KCNIP4: variants seen among roughly 807,000 people sequenced by gnomAD.
KCNIP4 encodes potassium voltage-gated channel interacting protein 4, also known as Kv channel-interacting protein 4.
KCNIP4 carries 12 observed loss-of-function variants against 34.0 expected under a neutral mutation model. The ratio of observed to expected loss-of-function variants is 0.35; its 90% CI spans 0.23 to 0.57. The LOEUF is 0.57. Among genes scored for constraint, KCNIP4 ranks in the 20% least tolerant of loss-of-function variants. The probability of loss-of-function intolerance (pLI) is 0.83; values close to 1 mark genes in which losing one functional copy is unlikely to be tolerated. For missense variants in KCNIP4, 238 were observed against 311.7 expected (o/e 0.76, Z 1.78); for synonymous variants, 124 against 102.2 (o/e 1.21, Z -1.29).
chr4:21,760,123 C>T (rs17498679), intron 1 of KCNIP4, among the ~76,000 whole-genome samples: 97,497 of 151,748 alleles, frequency 0.64, 33,184 homozygotes, highest in African/African-American at 0.83. Context: ...TGCCGTGCAG[C>T]TCAATTACTC....
intron 1 of KCNIP4, among the ~76,000 whole-genome samples, chr4:21,934,885 T>C (rs1253217575): frequency 6.6e-6 from 1 of 152,162 alleles, no homozygotes; most frequent in Non-Finnish European, 1.5e-5. Flanking sequence ...TTAAAATTGC[T>C]TGAGTGTCCC....
At chr4:21,105,348 C>T (rs1029722739) in intron 1 of KCNIP4, among the ~76,000 whole-genome samples, 34 of 151,534 alleles carry the variant, frequency 2.2e-4, no homozygotes, top group Non-Finnish European at 4.1e-4. Flanking sequence ...ATTTTATTCT[C>T]TTTGAAGCAA....
At chr4:21,942,793 T>G (rs1340181132) in intron 1 of KCNIP4, among the ~76,000 whole-genome samples, 1 of 152,158 alleles carries the variant, frequency 6.6e-6, no homozygotes, top group Non-Finnish European at 1.5e-5. Flanking sequence ...AGTCTCACTC[T>G]GTTGCCCAGG....
At chr4:21,578,787 C>A (rs1740957575) in intron 1 of KCNIP4, among the ~76,000 whole-genome samples, 1 of 152,152 alleles carries the variant, frequency 6.6e-6, no homozygotes, top group Non-Finnish European at 1.5e-5. Flanking sequence ...GAAACAGTGA[C>A]CTTTTCTGAG....
intron 1 of KCNIP4, among the ~76,000 whole-genome samples, chr4:21,353,511 C>T (rs1356624951): frequency 6.6e-6 from 1 of 152,062 alleles, no homozygotes; most frequent in Non-Finnish European, 1.5e-5. Flanking sequence ...ACACAAGCTT[C>T]AATAGCTGAT....
At chr4:21,947,845 T>G (rs1359990287) in intron 1 of KCNIP4, among the ~76,000 whole-genome samples, 1 of 152,272 alleles carries the variant, frequency 6.6e-6, no homozygotes, top group African/African-American at 2.4e-5. Context: ...CCCAAGACGC[T>G]TTGTGGAAGG....
chr4:20,760,626 T>G (rs533891308), intron 3 of KCNIP4, among the ~76,000 whole-genome samples: 1 of 152,252 alleles, frequency 6.6e-6, no homozygotes, highest in East Asian at 1.9e-4. Context: ...AATGATGAGC[T>G]TAGGTAGGCA....
At chr4:21,815,426 C>T (rs2109278172) in intron 1 of KCNIP4, among the ~76,000 whole-genome samples, 1 of 152,164 alleles carries the variant, frequency 6.6e-6, no homozygotes, top group African/African-American at 2.4e-5. Flanking sequence ...TACCAAACCA[C>T]CACCACCATC....
intron 1 of KCNIP4, among the ~76,000 whole-genome samples, chr4:20,962,576 T>C (rs1413886376): frequency 6.6e-6 from 1 of 152,192 alleles, no homozygotes. Context: ...AGTACTAACA[T>C]TGGGCATGGA....
chr4:21,809,794 A>G (rs757357190), intron 1 of KCNIP4, among the ~76,000 whole-genome samples: 2 of 152,216 alleles, frequency 1.3e-5, no homozygotes, highest in Non-Finnish European at 2.9e-5. Context: ...TGCATTTTCA[A>G]TCATAAGTTT....
chr4:21,311,376 A>C (rs1032508063), intron 1 of KCNIP4, among the ~76,000 whole-genome samples: 2 of 152,204 alleles, frequency 1.3e-5, no homozygotes, highest in African/African-American at 4.8e-5. Flanking sequence ...AAGAAATTAT[A>C]AACTTATAAT....
At chr4:21,509,769 T>C (rs1734149414) in intron 1 of KCNIP4, among the ~76,000 whole-genome samples, 1 of 152,194 alleles carries the variant, frequency 6.6e-6, no homozygotes, top group Admixed American at 6.5e-5. Context: ...CCTGTGTTTG[T>C]ACAATTATTT....
intron 1 of KCNIP4, among the ~76,000 whole-genome samples, chr4:21,186,497 A>T (rs1370705377): frequency 6.6e-6 from 1 of 152,210 alleles, no homozygotes; most frequent in African/African-American, 2.4e-5. Flanking sequence ...TCACCTTTTC[A>T]AGCATCTCTA....
At chr4:21,052,815 T>A (rs545962190) in intron 1 of KCNIP4, among the ~76,000 whole-genome samples, 2 of 152,268 alleles carry the variant, frequency 1.3e-5, no homozygotes, top group African/African-American at 4.8e-5. Context: ...TGGCACTGTC[T>A]GTATCTGTGT....
At chr4:21,094,706 T>A (rs1232618787) in intron 1 of KCNIP4, among the ~76,000 whole-genome samples, 3 of 152,202 alleles carry the variant, frequency 2.0e-5, no homozygotes, top group Admixed American at 6.5e-5. Flanking sequence ...TTCTGCCGTG[T>A]CTTTTCTTGT....
chr4:21,572,785 C>T (rs539499132), intron 1 of KCNIP4, among the ~76,000 whole-genome samples: 1 of 152,236 alleles, frequency 6.6e-6, no homozygotes, highest in Admixed American at 6.5e-5. Flanking sequence ...TGCCACCACA[C>T]CCAGCTAATT....
chr4:21,048,383 AG>A (rs1360587603), intron 1 of KCNIP4, among the ~76,000 whole-genome samples: 1 of 152,190 alleles, frequency 6.6e-6, no homozygotes, highest in Admixed American at 6.5e-5. Context: ...TTTGTTCACC[AG>A]TCAACTGACC....
At position 20,856,449 on chromosome 4, in the gene KCNIP4, C is replaced by T. The variant is rs77085602; in HGVS notation, c.164-5782G>A. Among the ~76,000 whole-genome samples the T allele has an allele frequency of 7.7e-3, 1,176 of 152,316 alleles. 13 individuals carry two copies. Among genetic ancestry groups the T allele is most frequent in the African/African-American group, 0.027 (1,139 of 41,582 alleles). ...GGTGACCCCCTGGTCATCGTTCCCA[C>T]ACTCTGGTTCTTGTATAGCATGTAA... On this transcript the variant is annotated intron_variant, in intron 2 of 8. Coordinates refer to ENST00000382152, the MANE Select transcript of KCNIP4 (RefSeq NM_025221.6).
intron 1 of KCNIP4, among the ~76,000 whole-genome samples, chr4:21,079,210 A>G (rs1745790516): frequency 6.6e-6 from 1 of 152,050 alleles, no homozygotes; most frequent in Non-Finnish European, 1.5e-5. Flanking sequence ...CAACACATCT[A>G]TGACCCATTT....
Sources: allele counts gnomAD v4.1 joint callset (sites outside exome capture counted in the v4.1 genomes callset), GRCh38; gene constraint gnomAD v4.1.1; transcripts MANE v1.5; gene names NCBI Gene and HGNC (gene_info 2026-07-23, HGNC 2026-07-21).